Variants in CNTN5 observed in about 807,000 individuals in gnomAD.
The protein encoded by CNTN5 is contactin 5.
A neutral mutation model predicts 129.1 loss-of-function variants in CNTN5; 77 were observed. The ratio of observed to expected loss-of-function variants is 0.60; its 90% CI spans 0.50 to 0.72. The LOEUF is 0.72. CNTN5 is among the 30% of genes least tolerant of loss of function. The pLI is 0.00. For missense variants in CNTN5, 1,478 were observed against 1,328.8 expected, an observed-to-expected ratio of 1.11 and a Z score of -1.75; for synonymous variants, 509 against 465.6, an observed-to-expected ratio of 1.09 and a Z score of -1.20.
intron 1 of CNTN5, among the ~76,000 whole-genome samples, chr11:99,102,568 A>C (rs945066286): frequency 2.0e-5 from 3 of 152,154 alleles, no homozygotes; most frequent in African/African-American, 7.2e-5. Context: ...ACAGATCTCT[A>C]GGGCAGGGGC....
chr11:100,070,493 G>C lies in CNTN5; in HGVS notation c.1232G>C (p.Cys411Ser), dbSNP rs1411442450. ...AGTGGGAGCCCTCTCCGATGGGAAT[G>C]TAAGGCTACTGGAAAACCCAGACCC... is the stretch of plus-strand genomic sequence containing the variant. ...LDSGSPLRWE[C>S]KATGKPRPTY... The change falls in exon 11 of 25, where the codon TGT becomes TCT. Residue 411 changes from cysteine to serine, a missense_variant. Transcript: ENST00000524871. The C allele has an allele frequency of 1.2e-6, 2 of 1,612,936 alleles. No homozygotes were observed. Among genetic ancestry groups the C allele is most frequent in the African/African-American group, 1.3e-5 (1 of 74,878 alleles).
chr11:99,112,918 T>C (rs1198615949), intron 1 of CNTN5, among the ~76,000 whole-genome samples: 1 of 151,996 alleles, frequency 6.6e-6, no homozygotes, highest in Non-Finnish European at 1.5e-5. Context: ...CTTTTTAATT[T>C]GAATAGGATT....
In CNTN5 at chr11:99,981,231, G is replaced by A. The variant is rs1326525574; in HGVS notation, c.878-20803G>A. Among the ~76,000 whole-genome samples the A allele has an allele frequency of 7.9e-5, 12 of 151,758 alleles. No individual in the cohort carries two copies. In the East Asian group the frequency reaches 1.4e-3, roughly 17 times the overall value. ...CCCTGGAATGCTCATAGTGTGGCTC[G>A]ATCCAAGTCCAAAGGCCTCAGAACC... is the stretch of plus-strand genomic sequence containing the variant. On this transcript the variant is annotated intron_variant, in intron 8 of 24. Transcript: ENST00000524871.
chr11:99,044,739 G>A (rs1442444316), intron 1 of CNTN5, among the ~76,000 whole-genome samples: 1 of 152,164 alleles, frequency 6.6e-6, no homozygotes, highest in African/African-American at 2.4e-5. Flanking sequence ...AGCCAAAGCA[G>A]GGTCCTCTGT....
chr11:99,565,688 ATC>A (rs1324780523), intron 3 of CNTN5, among the ~76,000 whole-genome samples: 2 of 152,170 alleles, frequency 1.3e-5, no homozygotes, highest in African/African-American at 2.4e-5. Flanking sequence ...ACATTCTCCT[ATC>A]TCTGTCTTTC....
intron 9 of CNTN5, among the ~76,000 whole-genome samples, chr11:100,024,777 C>A (rs1482605272): frequency 6.6e-6 from 1 of 152,124 alleles, no homozygotes; most frequent in East Asian, 1.9e-4. Flanking sequence ...GAGTGTCTGG[C>A]AGAAGAAATT....
intron 1 of CNTN5, among the ~76,000 whole-genome samples, chr11:99,132,402 G>A (rs35352100): frequency 0.13 from 19,147 of 151,988 alleles, 1,799 homozygotes; most frequent in East Asian, 0.41. Context: ...AGTTCTGGCC[G>A]GGGCAATCAG....
intron 3 of CNTN5, among the ~76,000 whole-genome samples, chr11:99,620,216 TGTCC>T (rs1950897246): frequency 6.6e-6 from 1 of 152,078 alleles, no homozygotes; most frequent in East Asian, 1.9e-4. Context: ...GCGTTAAGCT[TGTCC>T]TCAAGGCTGA....
At chr11:99,877,149 A>G (rs1565630295) in intron 6 of CNTN5, among the ~76,000 whole-genome samples, 1 of 152,182 alleles carries the variant, frequency 6.6e-6, no homozygotes, top group African/African-American at 2.4e-5. Context: ...CCCTTTGGAA[A>G]TTAACTTTAA....
chr11:99,117,163 G>A (rs1002593249), intron 1 of CNTN5, among the ~76,000 whole-genome samples: 5 of 152,126 alleles, frequency 3.3e-5, no homozygotes, highest in African/African-American at 1.2e-4. Context: ...AAGGTTTGCT[G>A]TTGGAGGAAA....
intron 13 of CNTN5, among the ~76,000 whole-genome samples, chr11:100,124,971 A>G (rs1156477787): frequency 3.3e-5 from 5 of 152,230 alleles, no homozygotes; most frequent in Admixed American, 2.0e-4. Context: ...TCTGAGTCTC[A>G]TCCTCATAAT....
At chr11:99,343,513 T>TCACAAA (rs1258906785) in intron 2 of CNTN5, among the ~76,000 whole-genome samples, 1 of 152,208 alleles carries the variant, frequency 6.6e-6, no homozygotes, top group South Asian at 2.1e-4. Flanking sequence ...TGAATTAAAG[T>TCACAAA]ATATTTTAAA....
intron 3 of CNTN5, among the ~76,000 whole-genome samples, chr11:99,591,469 CTG>C (rs1304136340): frequency 1.3e-5 from 2 of 151,204 alleles, no homozygotes; most frequent in Admixed American, 1.3e-4. Flanking sequence ...TCCCGAGTAG[CTG>C]AGACTACAGG....
At chr11:100,286,035 GC>G (rs1950779035) in intron 18 of CNTN5, among the ~76,000 whole-genome samples, 1 of 152,212 alleles carries the variant, frequency 6.6e-6, no homozygotes, top group Non-Finnish European at 1.5e-5. Context: ...CCCTAATACT[GC>G]GCTTTTCCGA....
intron 18 of CNTN5, among the ~76,000 whole-genome samples, chr11:100,296,345 A>G (rs1951099455): frequency 6.6e-6 from 1 of 151,436 alleles, no homozygotes; most frequent in South Asian, 2.1e-4. Flanking sequence ...TAATTGCATC[A>G]TTTTTCTCAG....
intron 18 of CNTN5, among the ~76,000 whole-genome samples, chr11:100,296,546 G>T (rs1488897782): frequency 6.6e-6 from 1 of 151,504 alleles, no homozygotes; most frequent in East Asian, 1.9e-4. Context: ...CTGAGCAAGA[G>T]AATTGTGTTC....
chr11:99,568,459 C>T (rs992283215), intron 3 of CNTN5, among the ~76,000 whole-genome samples: 1 of 152,136 alleles, frequency 6.6e-6, no homozygotes, highest in Non-Finnish European at 1.5e-5. Flanking sequence ...TGTTTTACTG[C>T]TTAGCACGAG....
intron 3 of CNTN5, among the ~76,000 whole-genome samples, chr11:99,784,450 C>T (rs1003854905): frequency 6.6e-6 from 1 of 152,070 alleles, no homozygotes; most frequent in African/African-American, 2.4e-5. Flanking sequence ...TTTCCATCTT[C>T]ATCCATGTCC....
intron 21 of CNTN5, among the ~76,000 whole-genome samples, chr11:100,310,140 T>C (rs1951443070): frequency 6.6e-6 from 1 of 151,946 alleles, no homozygotes; most frequent in Non-Finnish European, 1.5e-5. Context: ...AGCTCTGCTT[T>C]TGGGGACTTC....
Sources: allele counts gnomAD v4.1 joint callset (sites outside exome capture counted in the v4.1 genomes callset), GRCh38; gene constraint gnomAD v4.1.1; transcripts MANE v1.5; gene names NCBI Gene and HGNC (gene_info 2026-07-23, HGNC 2026-07-21).